Variants in ZNF800 observed in about 807,000 individuals in gnomAD.
The protein encoded by ZNF800 is zinc finger protein 800.
A neutral mutation model predicts 59.5 loss-of-function variants in ZNF800; 13 were observed. The ratio of observed to expected loss-of-function variants is 0.22; its 90% confidence interval spans 0.14 to 0.35. The LOEUF is 0.35. Ranked by LOEUF, ZNF800 falls within the 10% of genes least tolerant of loss-of-function variation. ZNF800 has a pLI of 1.00. For missense variants in ZNF800, 621 were observed against 783.7 expected, an observed-to-expected ratio of 0.79 and a Z score of 2.48; for synonymous variants, 266 against 265.7, an observed-to-expected ratio of 1.00 and a Z score of -0.01.
At chr7:127,363,403 A>T (rs1800435570) in intron 1 of ZNF800, 1 of 152,242 alleles carries the variant, frequency 6.6e-6, no homozygotes, top group East Asian at 1.9e-4. Context: ...ACAAAACAAA[A>T]GCCAGTGGCA....
chr7:127,388,369 G>T (rs1459715909), intron 2 of ZNF800, among the ~76,000 whole-genome samples: 1 of 152,126 alleles, frequency 6.6e-6, no homozygotes, highest in Admixed American at 6.5e-5. Flanking sequence ...TGAATAAACT[G>T]ATTTCTCCTA....
chr7:127,392,539 TC>T lies in ZNF800; in HGVS notation c.-539del. 1 of 302,980 alleles carries T rather than the reference TC, an allele frequency of 3.3e-6. No homozygotes were observed. The highest frequency in any genetic ancestry group is 5.1e-5 in the Admixed American group (1 of 19,584). The allele number at this position is 302,980 out of a possible 1,614,324, so 18.8% of individuals were successfully genotyped here. ...AGAGGGGCGGAGAAAAATGGGGGTC[TC>T]CCCCAACCTTGGGCCTTTTCGGTGG... On this transcript the variant is annotated 5_prime_UTR_variant, in exon 1 of 6. Coordinates refer to ENST00000265827, the MANE Select transcript of ZNF800 (RefSeq NM_176814.5).
intron 1 of ZNF800, chr7:127,351,318 T>C (rs1172709780): frequency 2.0e-5 from 3 of 152,280 alleles, no homozygotes; most frequent in Non-Finnish European, 4.4e-5. Context: ...AGCCAGTCTC[T>C]TTCATTAAGC....
At position 127,371,528 on chromosome 7, in the gene ZNF800, A is replaced by G. The variant is rs1800631213; in HGVS notation, c.*286T>C. On this transcript the variant is annotated 3_prime_UTR_variant, in exon 6 of 6. Transcript: ENST00000265827. ...AACAAAATTTGTAACATTTTTGTAGAAACTGTCGACCAAATGCACAAGGTC... is the reference window on the plus strand; with the variant it reads ...AACAAAATTTGTAACATTTTTGTAGGAACTGTCGACCAAATGCACAAGGTC... The G allele has an allele frequency of 3.3e-6, 1 of 301,102 alleles. No homozygotes were observed. Among genetic ancestry groups the G allele is most frequent in the African/African-American group, 2.2e-5 (1 of 46,478 alleles). 18.7% of individuals were successfully genotyped at this position (301,102 alleles called of 1,614,324 possible).
chr7:127,382,594 A>C (rs1801008544), intron 3 of ZNF800, among the ~76,000 whole-genome samples: 1 of 152,230 alleles, frequency 6.6e-6, no homozygotes. Flanking sequence ...GGTTCAGAGC[A>C]AACAGCAGGT....
chr7:127,345,825 T>C (rs1800052779), downstream of ZNF800, among the ~76,000 whole-genome samples: 1 of 152,234 alleles, frequency 6.6e-6, no homozygotes, highest in Non-Finnish European at 1.5e-5. Flanking sequence ...CAGGTGGGAC[T>C]GGTGTCACAA....
chr7:127,350,967 G>A (rs1800157308), intron 1 of ZNF800, among the ~76,000 whole-genome samples: 1 of 152,182 alleles, frequency 6.6e-6, no homozygotes, highest in Non-Finnish European at 1.5e-5. Context: ...CTTAAATGGA[G>A]TTCTCCTTTG....
chr7:127,358,709 T>G (rs189748739), intron 1 of ZNF800, among the ~76,000 whole-genome samples: 7 of 152,106 alleles, frequency 4.6e-5, no homozygotes, highest in African/African-American at 1.4e-4. Context: ...TCCTAACTCC[T>G]CAGTGTGCCT....
At position 127,358,709 on chromosome 7, in the gene ZNF800, T is replaced by C. The variant is rs189748739; in HGVS notation, n.225-10666A>G. 1.3e-3 allele frequency among the ~76,000 whole-genome samples: 202 copies of C among 152,224 alleles called. 1 individual carries two copies. Among genetic ancestry groups the C allele is most frequent in the African/African-American group, 4.4e-3 (184 of 41,556 alleles). ...GGAATTATAAGTCTTTCCTAACTCC[T>C]CAGTGTGCCTTAATATTCCACTTCT... On this transcript the variant is annotated intron_variant and non_coding_transcript_variant, in intron 1 of 1. Transcript: ENST00000485577.
At chr7:127,371,883 A>C (rs1212123244) in intron 5 of ZNF800, 69 bp from the exon 6 acceptor site, 1 of 687,928 alleles carries the variant, frequency 1.5e-6, no homozygotes, top group Non-Finnish European at 2.7e-6. Context: ...AAAACTATGC[A>C]ACAGTAAATT....
At position 127,347,841 on chromosome 7, in the gene ZNF800, G is replaced by C. The variant is rs1326056032; in HGVS notation, n.427C>G. The C allele has an allele frequency of 6.6e-5, 10 of 151,560 alleles. No individual in the cohort carries two copies. In the East Asian group the frequency reaches 1.9e-3, roughly 29 times the overall value. The allele number at this position is 151,560 out of a possible 1,614,324, so 9.4% of individuals were successfully genotyped here. ...GGAGCGAGGGCGAGGTCCCGCCGGC[G>C]GCCAGGCGGCGGCGCTCACGGAGCC... On this transcript the variant is annotated non_coding_transcript_exon_variant, in exon 2 of 2. Transcript: ENST00000485577.
At chr7:127,351,530 T>C (rs994063074) in intron 1 of ZNF800, 1 of 152,254 alleles carries the variant, frequency 6.6e-6, no homozygotes, top group African/African-American at 2.4e-5. Context: ...AAAGAATAAC[T>C]CACTTCCCAG....
intron 1 of ZNF800, among the ~76,000 whole-genome samples, chr7:127,355,417 T>TG (rs1800250942): frequency 6.6e-6 from 1 of 151,966 alleles, no homozygotes; most frequent in South Asian, 2.1e-4. Context: ...AGTCTAATCA[T>TG]GGGGGGCAAT....
At chr7:127,353,878 T>C (rs1478147250) in intron 1 of ZNF800, among the ~76,000 whole-genome samples, 4 of 151,808 alleles carry the variant, frequency 2.6e-5, no homozygotes, top group Admixed American at 6.6e-5. Flanking sequence ...TCAAAATTAA[T>C]GGTGTATTTT....
exon 2 of ZNF800, chr7:127,347,096 C>T (rs1189437491): frequency 1.3e-5 from 2 of 152,344 alleles, no homozygotes; most frequent in East Asian, 3.9e-4. Context: ...CTCCGTGGAG[C>T]AGGAGATCTG....
chr7:127,379,181 T>C (rs1353182243), intron 3 of ZNF800, among the ~76,000 whole-genome samples: 1 of 152,178 alleles, frequency 6.6e-6, no homozygotes, highest in African/African-American at 2.4e-5. Context: ...TTGAAGTCCA[T>C]TTCACATTAC....
chr7:127,375,405 A>G (rs6467123), intron 4 of ZNF800, among the ~76,000 whole-genome samples: 97,355 of 151,844 alleles, frequency 0.64, 31,621 homozygotes, highest in East Asian at 0.86. Context: ...CTCGTAACTC[A>G]ATTGATAAAA....
intron 1 of ZNF800, chr7:127,364,192 GGTCAAGCATGAT>G (rs1752082854): frequency 6.6e-6 from 1 of 152,046 alleles, no homozygotes; most frequent in Non-Finnish European, 1.5e-5. Flanking sequence ...TGGTTGCAGA[GGTCAAGCATGAT>G]GTAAAGAGAG....
intron 1 of ZNF800, among the ~76,000 whole-genome samples, chr7:127,354,821 C>A (rs1800236106): frequency 6.6e-6 from 1 of 152,074 alleles, no homozygotes; most frequent in South Asian, 2.1e-4. Flanking sequence ...AATACTAAAT[C>A]TCTAGATTCT....
Sources: allele counts gnomAD v4.1 joint callset (sites outside exome capture counted in the v4.1 genomes callset), GRCh38; gene constraint gnomAD v4.1.1; transcripts MANE v1.5; gene names NCBI Gene and HGNC (gene_info 2026-07-23, HGNC 2026-07-21).